GALNT13: variants seen among roughly 807,000 people sequenced by gnomAD.
The protein encoded by GALNT13 is polypeptide N-acetylgalactosaminyltransferase 13, also known as UDP-GalNAc:polypeptide N-acetylgalactosaminyltransferase 13.
Under a neutral mutation model 64.2 loss-of-function variants are expected in GALNT13, and 28 were observed. That is an observed-to-expected ratio of 0.44 (90% CI 0.32 to 0.60). The LOEUF (loss-of-function observed/expected upper bound fraction) is 0.60. Among genes scored for constraint, GALNT13 ranks in the 20% least tolerant of loss-of-function variants. The pLI, the probability that GALNT13 is intolerant of heterozygous loss-of-function variation, is 0.05. For missense variants in GALNT13, 577 were observed against 669.8 expected (o/e 0.86, Z 1.53); for synonymous variants, 214 against 224.6 (o/e 0.95, Z 0.42).
At chr2:153,976,617 A>C (rs1348382236) in intron 3 of GALNT13, among the ~76,000 whole-genome samples, 3 of 152,168 alleles carry the variant, frequency 2.0e-5, no homozygotes, top group Non-Finnish European at 4.4e-5. Flanking sequence ...ATTTGGAACC[A>C]ATAATAAATG....
chr2:154,343,884 A>G (rs1354585329), intron 9 of GALNT13, among the ~76,000 whole-genome samples: 1 of 152,042 alleles, frequency 6.6e-6, no homozygotes, highest in African/African-American at 2.4e-5. Context: ...TTTTACTGTG[A>G]CTAATTGAAC....
At chr2:154,278,718 A>C (rs1488352624) in intron 8 of GALNT13, among the ~76,000 whole-genome samples, 1 of 152,176 alleles carries the variant, frequency 6.6e-6, no homozygotes, top group African/African-American at 2.4e-5. Flanking sequence ...ATGTAAGCTC[A>C]TAAAAAGTTT....
At chr2:154,298,517 A>ATTATATATAAAATTTATATAT (rs1693093277) in intron 8 of GALNT13, among the ~76,000 whole-genome samples, 1 of 86,378 alleles carries the variant, frequency 1.2e-5, no homozygotes, top group East Asian at 4.2e-4. Flanking sequence ...TAAATTATAT[A>ATTATATATAAAATTTATATAT]TTATATATAA....
At chr2:154,076,036 G>A (rs1315550392) in intron 3 of GALNT13, among the ~76,000 whole-genome samples, 1 of 151,574 alleles carries the variant, frequency 6.6e-6, no homozygotes, top group Non-Finnish European at 1.5e-5. Context: ...AATCTCAGAG[G>A]CATGCAACAA....
the GALNT13 span, among the ~76,000 whole-genome samples, chr2:153,293,536 C>T: frequency 2.6e-5 from 4 of 152,232 alleles, no homozygotes; most frequent in South Asian, 2.1e-4. Flanking sequence ...CCAGGAAAAA[C>T]GCAGCCCTGC....
At chr2:153,482,263 G>A in the GALNT13 span, among the ~76,000 whole-genome samples, 1 of 152,132 alleles carries the variant, frequency 6.6e-6, no homozygotes, top group Non-Finnish European at 1.5e-5. Flanking sequence ...TAGGGGGTAG[G>A]TGCTTTTACA....
chr2:154,336,462 C>T (rs1695451144), intron 9 of GALNT13, among the ~76,000 whole-genome samples: 1 of 152,058 alleles, frequency 6.6e-6, no homozygotes, highest in Admixed American at 6.6e-5. Context: ...AATTTCAAAT[C>T]ATCAATAGGG....
At chr2:154,088,870 A>G (rs1288268587) in intron 3 of GALNT13, among the ~76,000 whole-genome samples, 1 of 152,146 alleles carries the variant, frequency 6.6e-6, no homozygotes, top group Non-Finnish European at 1.5e-5. Flanking sequence ...ATTGTGTTTA[A>G]AATTATCCTG....
At chr2:153,563,024 T>A in the GALNT13 span, among the ~76,000 whole-genome samples, 2 of 152,268 alleles carry the variant, frequency 1.3e-5, no homozygotes, top group East Asian at 3.9e-4. Context: ...TTTGTCTTCT[T>A]AGGATTACCT....
Position 153,993,695 on chromosome 2 carries a change from C to CAAAA in GALNT13, c.142+49071_142+49074dup, listed in dbSNP as rs5835495. On this transcript the variant is annotated intron_variant, in intron 3 of 12. Coordinates refer to ENST00000392825, the MANE Select transcript of GALNT13 (RefSeq NM_052917.4). ...TGGGCGACAGAGCAAGACTCCATCT[C>CAAAA]AAAAAAAAAAAAAAAAAAGATAAAT... is the stretch of plus-strand genomic sequence containing the variant. Among the ~76,000 whole-genome samples the CAAAA allele has an allele frequency of 8.6e-5, 9 of 105,106 alleles. No individual in the cohort carries two copies. The East Asian group carries it at 1.1e-3, about 12-fold the overall frequency. The allele number at this position is 105,106 out of a possible 152,430, so 69.0% of individuals were successfully genotyped here. A position where few individuals can be genotyped will look rare whatever the true frequency, so the allele number is the denominator to read the frequency against.
the GALNT13 span, among the ~76,000 whole-genome samples, chr2:153,276,073 G>C: frequency 6.6e-6 from 1 of 152,016 alleles, no homozygotes; most frequent in Non-Finnish European, 1.5e-5. Flanking sequence ...GTAAAAGCCA[G>C]TTGCATTTTG....
chr2:154,195,877 G>A (rs1434517019), intron 4 of GALNT13, among the ~76,000 whole-genome samples: 2 of 152,066 alleles, frequency 1.3e-5, no homozygotes, highest in Non-Finnish European at 2.9e-5. Flanking sequence ...CCTGCTCATG[G>A]TACCAGAACC....
chr2:154,406,291 A>G (rs1035389392), intron 10 of GALNT13, among the ~76,000 whole-genome samples: 16 of 152,130 alleles, frequency 1.1e-4, no homozygotes, highest in African/African-American at 3.1e-4. Flanking sequence ...TCTTGCTGGC[A>G]TGACTACAGT....
At chr2:154,226,023 G>A (rs1181444079) in intron 4 of GALNT13, among the ~76,000 whole-genome samples, 2 of 152,012 alleles carry the variant, frequency 1.3e-5, no homozygotes, top group Admixed American at 1.3e-4. Flanking sequence ...GGGAGTTAGA[G>A]GAATATTTTT....
chr2:153,534,614 T>C, the GALNT13 span, among the ~76,000 whole-genome samples: 2 of 148,094 alleles, frequency 1.4e-5, no homozygotes, highest in South Asian at 4.2e-4. Flanking sequence ...TGAAGGGAGA[T>C]AAGGGTGGGC....
At chr2:153,188,571 C>G in the GALNT13 span, among the ~76,000 whole-genome samples, 1 of 152,112 alleles carries the variant, frequency 6.6e-6, no homozygotes, top group Non-Finnish European at 1.5e-5. Flanking sequence ...ACACGTCCAG[C>G]TTTGTCTAAC....
At chr2:153,093,236 C>CTTT in the GALNT13 span, among the ~76,000 whole-genome samples, 1,108 of 128,958 alleles carry the variant, frequency 8.6e-3, 38 homozygotes, top group South Asian at 0.013. Context: ...TTTTTCTTTT[C>CTTT]TTTTCTTTTT....
chr2:154,393,820 T>G (rs1698915079), intron 9 of GALNT13, among the ~76,000 whole-genome samples: 1 of 151,984 alleles, frequency 6.6e-6, no homozygotes, highest in African/African-American at 2.4e-5. Context: ...GGCTCACGCC[T>G]GTAATCCCAG....
intron 1 of GALNT13, among the ~76,000 whole-genome samples, chr2:153,880,541 G>C (rs1033969815): frequency 6.6e-6 from 1 of 152,026 alleles, no homozygotes; most frequent in African/African-American, 2.4e-5. Flanking sequence ...AAGGGTTTAT[G>C]GGGTTACTGA....
Sources: allele counts gnomAD v4.1 joint callset (sites outside exome capture counted in the v4.1 genomes callset), GRCh38; gene constraint gnomAD v4.1.1; transcripts MANE v1.5; gene names NCBI Gene and HGNC (gene_info 2026-07-23, HGNC 2026-07-21).